GRIA3: variants seen among roughly 807,000 people sequenced by gnomAD.
GRIA3 encodes glutamate receptor 3.
Under a neutral mutation model 63.0 loss-of-function variants are expected in GRIA3, and 3 were observed. That is an observed-to-expected ratio of 0.05 (90% confidence interval 0.02 to 0.12). GRIA3 has a LOEUF of 0.12. Ranked by LOEUF, GRIA3 falls within the 10% of genes least tolerant of loss-of-function variation. The pLI is 1.00. For missense variants in GRIA3, 347 were observed against 700.9 expected (o/e 0.50, Z 5.70); for synonymous variants, 274 against 257.9 (o/e 1.06, Z -0.60).
intron 2 of GRIA3, among the ~76,000 whole-genome samples, chrX:123,194,039 T>C (rs1161023317): frequency 9.0e-6 from 1 of 111,434 alleles, no homozygotes; most frequent in African/African-American, 3.3e-5. Context: ...ATTCTGGTAC[T>C]TTATTCACTA....
chrX:123,482,712 G>T, intron 14 of GRIA3, 87 bp from the exon 15 acceptor site: 4 of 1,008,351 alleles, frequency 4.0e-6, no homozygotes, highest in Non-Finnish European at 5.6e-6. Flanking sequence ...TTACAATTTA[G>T]AACTCCCCTG....
At chrX:123,284,796 G>A (rs910202095) in intron 3 of GRIA3, among the ~76,000 whole-genome samples, 72 of 111,828 alleles carry the variant, frequency 6.4e-4, no homozygotes, top group African/African-American at 2.3e-3. Flanking sequence ...CAAAGTGACA[G>A]GGAGAATGGA....
chrX:123,295,613 G>A (rs1213552407), intron 3 of GRIA3, among the ~76,000 whole-genome samples: 1 of 111,208 alleles, frequency 9.0e-6, no homozygotes, highest in Non-Finnish European at 1.9e-5. Flanking sequence ...ACCATCCAAA[G>A]TACACTATGA....
chrX:123,391,758 C>A (rs1378738200), intron 5 of GRIA3, among the ~76,000 whole-genome samples: 1 of 112,132 alleles, frequency 8.9e-6, no homozygotes, highest in Non-Finnish European at 1.9e-5. Flanking sequence ...TCCTCTGACT[C>A]CCAAGTGCTT....
At chrX:123,255,558 C>T (rs2147283905) in intron 3 of GRIA3, among the ~76,000 whole-genome samples, 1 of 106,033 alleles carries the variant, frequency 9.4e-6, no homozygotes, top group South Asian at 4.5e-4. Flanking sequence ...CTCATTTATT[C>T]AAAAGCAGAA....
At chrX:123,312,460 TGA>T (rs1363782893) in intron 3 of GRIA3, among the ~76,000 whole-genome samples, 1 of 111,945 alleles carries the variant, frequency 8.9e-6, no homozygotes, top group African/African-American at 3.2e-5. Flanking sequence ...GAGTAAATCA[TGA>T]GAGATGGAAA....
intron 3 of GRIA3, among the ~76,000 whole-genome samples, chrX:123,302,818 G>T (rs2044732048): frequency 9.0e-6 from 1 of 110,910 alleles, no homozygotes; most frequent in Non-Finnish European, 1.9e-5. Flanking sequence ...TCTTGATAAG[G>T]TCAGAGAAGG....
chrX:123,264,315 A>C (rs1308089341), intron 3 of GRIA3, among the ~76,000 whole-genome samples: 3 of 112,081 alleles, frequency 2.7e-5, no homozygotes, highest in African/African-American at 9.7e-5. Flanking sequence ...TTTGTTAAAG[A>C]GCTAAAGACT....
At chrX:123,477,241 T>C (rs2045891302) in intron 13 of GRIA3, among the ~76,000 whole-genome samples, 1 of 112,628 alleles carries the variant, frequency 8.9e-6, no homozygotes. Context: ...ATTTTCTTTA[T>C]GTGTGTTACA....
At chrX:123,316,049 C>T (rs1484759163) in intron 3 of GRIA3, among the ~76,000 whole-genome samples, 1 of 108,169 alleles carries the variant, frequency 9.2e-6, no homozygotes, top group Non-Finnish European at 1.9e-5. Context: ...TCGTCATTCA[C>T]GTGATTTTTT....
At chrX:123,458,871 C>G (rs186171171) in intron 12 of GRIA3, among the ~76,000 whole-genome samples, 239 of 111,760 alleles carry the variant, frequency 2.1e-3, no homozygotes, top group African/African-American at 7.6e-3. Context: ...TGGTCATTCA[C>G]CAGGCATATG....
intron 3 of GRIA3, among the ~76,000 whole-genome samples, chrX:123,285,966 T>C (rs2044616964): frequency 8.9e-6 from 1 of 111,869 alleles, no homozygotes; most frequent in African/African-American, 3.3e-5. Flanking sequence ...AGAATATACA[T>C]TCTTCTCAGC....
intron 3 of GRIA3, among the ~76,000 whole-genome samples, chrX:123,286,917 G>A (rs1189184867): frequency 1.8e-5 from 2 of 111,661 alleles, no homozygotes; most frequent in Non-Finnish European, 3.8e-5. Context: ...TATTTTATGA[G>A]GCCAGCATCA....
At chrX:123,371,100 T>A (rs2045244577) in intron 5 of GRIA3, among the ~76,000 whole-genome samples, 1 of 106,040 alleles carries the variant, frequency 9.4e-6, no homozygotes, top group Non-Finnish European at 1.9e-5. Flanking sequence ...TTGCTTTGAT[T>A]TTTAGAGCCC....
chrX:123,253,223 G>T lies in GRIA3; in HGVS notation c.269-80G>T, dbSNP rs1041350084. On this transcript the variant is annotated intron_variant, in intron 2 of 15. Coordinates refer to ENST00000620443, the MANE Select transcript of GRIA3 (RefSeq NM_007325.5). ...GAGGTATGCAATTTGGGGCCTAATT[G>T]TACATTGTATTTCTAACCCTACAAG... is the stretch of plus-strand genomic sequence containing the variant. 36 of 1,117,170 alleles carry T rather than the reference G, an allele frequency of 3.2e-5. No individual in the cohort carries two copies. In the African/African-American group the frequency reaches 5.4e-4, roughly 17 times the overall value. The allele number at this position is 1,117,170 out of a possible 1,213,427, so 92.1% of individuals were successfully genotyped here. A position where few individuals can be genotyped will look rare whatever the true frequency, so the allele number is the denominator to read the frequency against.
At chrX:123,329,438 C>A (rs970668155) in intron 4 of GRIA3, among the ~76,000 whole-genome samples, 8 of 111,474 alleles carry the variant, frequency 7.2e-5, no homozygotes, top group Admixed American at 5.7e-4. Context: ...TAAGGTAAAT[C>A]AAAATTCTTT....
At chrX:123,202,873 C>T in intron 2 of GRIA3, 1 of 900,762 alleles carries the variant, frequency 1.1e-6, no homozygotes, top group Non-Finnish European at 1.5e-6. Flanking sequence ...AGAAGATCTC[C>T]CCACTCTGGA....
At chrX:123,223,037 G>A (rs1037293479) in intron 2 of GRIA3, among the ~76,000 whole-genome samples, 6 of 112,450 alleles carry the variant, frequency 5.3e-5, no homozygotes, top group Admixed American at 9.4e-5. Context: ...CTGGCACCAC[G>A]ATGTGTCCCC....
intron 4 of GRIA3, among the ~76,000 whole-genome samples, chrX:123,338,577 G>A (rs1053054862): frequency 8.9e-6 from 1 of 112,130 alleles, no homozygotes; most frequent in Non-Finnish European, 1.9e-5. Flanking sequence ...TTGAGACAGA[G>A]TCTTGCTCTG....
Sources: allele counts gnomAD v4.1 joint callset (sites outside exome capture counted in the v4.1 genomes callset), GRCh38; gene constraint gnomAD v4.1.1; transcripts MANE v1.5; gene names NCBI Gene and HGNC (gene_info 2026-07-23, HGNC 2026-07-21).